SLC22A24: variants seen among roughly 807,000 people sequenced by gnomAD.
SLC22A24 encodes the protein steroid transmembrane transporter SLC22A24.
Under a neutral mutation model 49.8 loss-of-function variants are expected in SLC22A24, and 53 were observed. That is an observed-to-expected ratio of 1.06 (90% CI 0.85 to 1.34). The LOEUF is 1.34. Among genes scored for constraint, SLC22A24 ranks in the 40% most tolerant of loss-of-function variants. The pLI is 0.00. For synonymous variants in SLC22A24, 302 were observed against 256.4 expected (o/e 1.18, Z -1.70); for missense variants, 786 against 675.9 (o/e 1.16, Z -1.81).
chr11:63,106,253 G>A (rs2087121173), intron 4 of SLC22A24, among the ~76,000 whole-genome samples: 1 of 152,006 alleles, frequency 6.6e-6, no homozygotes, highest in African/African-American at 2.4e-5. Context: ...CCATACAAAG[G>A]ACATGAACTC....
At chr11:63,139,022 A>G (rs1010361214) in intron 1 of SLC22A24, among the ~76,000 whole-genome samples, 1 of 152,200 alleles carries the variant, frequency 6.6e-6, no homozygotes, top group Non-Finnish European at 1.5e-5. Flanking sequence ...ATCTGAAAGG[A>G]TTTTTTAAAA....
intron 2 of SLC22A24, among the ~76,000 whole-genome samples, chr11:63,132,542 T>C (rs1045834996): frequency 1.3e-5 from 2 of 152,196 alleles, no homozygotes; most frequent in Non-Finnish European, 2.9e-5. Flanking sequence ...GTCAGGTCCT[T>C]CAGCTGCAGG....
rs146261316 is a variant in SLC22A24 at position 63,099,890 on chromosome 11, A to G, written c.955-3784T>C. ...AAATTCAACTTCCCTTCATGATAAA[A>G]ACTCAAAAAAATCTCAGTATAGAAG... On this transcript the variant is annotated intron_variant, in intron 5 of 9. Transcript: ENST00000612278. Among the ~76,000 whole-genome samples, 10 of 152,292 alleles carry G rather than the reference A, an allele frequency of 6.6e-5. No homozygotes were observed. In the East Asian group the frequency reaches 1.9e-3, roughly 29 times the overall value.
intron 2 of SLC22A24, among the ~76,000 whole-genome samples, chr11:63,119,709 C>G (rs1197595560): frequency 6.6e-6 from 1 of 152,066 alleles, no homozygotes; most frequent in Non-Finnish European, 1.5e-5. Context: ...GAGGGAAATC[C>G]AGAGATCTGT....
intron 4 of SLC22A24, among the ~76,000 whole-genome samples, chr11:63,105,204 GC>G (rs1233689026): frequency 6.6e-6 from 1 of 152,226 alleles, no homozygotes; most frequent in Admixed American, 6.5e-5. Flanking sequence ...TCTACTGGAT[GC>G]TTTTGCAGTC....
intron 8 of SLC22A24, 98 bp from the exon 9 acceptor site, chr11:63,081,221 T>C (rs2086958205): frequency 9.8e-7 from 1 of 1,021,844 alleles, no homozygotes; most frequent in Admixed American, 2.4e-5. Context: ...TACAACAGAG[T>C]TACTAAACAC....
intron 2 of SLC22A24, among the ~76,000 whole-genome samples, chr11:63,130,602 C>T (rs2087327159): frequency 6.6e-6 from 1 of 152,132 alleles, no homozygotes; most frequent in African/African-American, 2.4e-5. Flanking sequence ...TCTGTCTGGT[C>T]CTGGACTTTT....
intron 2 of SLC22A24, among the ~76,000 whole-genome samples, chr11:63,126,675 G>T (rs1348384948): frequency 1.3e-5 from 2 of 152,140 alleles, no homozygotes; most frequent in Non-Finnish European, 1.5e-5. Context: ...GTTTAAAGCA[G>T]TTTTTTCCAA....
At chr11:63,108,471 C>G (rs886350039) in intron 4 of SLC22A24, among the ~76,000 whole-genome samples, 2 of 152,148 alleles carry the variant, frequency 1.3e-5, no homozygotes, top group African/African-American at 2.4e-5. Flanking sequence ...AGGATTCCCT[C>G]TCTTTCTGTT....
At chr11:63,113,227 T>TATATATAC (rs2087187316) in intron 4 of SLC22A24, among the ~76,000 whole-genome samples, 4 of 75,556 alleles carry the variant, frequency 5.3e-5, no homozygotes, top group African/African-American at 2.2e-4. Flanking sequence ...TATATATATA[T>TATATATAC]ACATATATAT....
At chr11:63,088,536 C>T (rs2087000923) in intron 6 of SLC22A24, among the ~76,000 whole-genome samples, 1 of 152,002 alleles carries the variant, frequency 6.6e-6, no homozygotes, top group Admixed American at 6.6e-5. Flanking sequence ...TCCAATGATC[C>T]CAACTCCTCT....
chr11:63,086,868 C>T (rs1306058894), intron 6 of SLC22A24, among the ~76,000 whole-genome samples: 2 of 151,918 alleles, frequency 1.3e-5, no homozygotes, highest in Non-Finnish European at 2.9e-5. Flanking sequence ...ATAGTGTATA[C>T]CTTAAACATA....
At position 63,085,604 on chromosome 11, in the gene SLC22A24, A is replaced by C. The variant is rs567056861; in HGVS notation, c.1071-2147T>G. Among the ~76,000 whole-genome samples, 838 of 152,354 alleles carry C rather than the reference A, an allele frequency of 5.5e-3. 5 individuals carry two copies. The highest frequency in any genetic ancestry group is 0.014 in the Middle Eastern group (4 of 294). On this transcript the variant is annotated intron_variant, in intron 6 of 9. Coordinates refer to ENST00000612278, the MANE Select transcript of SLC22A24 (RefSeq NM_001136506.2). ...ATTTATGGAGAGGAAAAGAAAATAC[A>C]AACAGATGAACAAATAAAGAAATAA...
At chr11:63,092,219 A>C (rs1369115556) in intron 6 of SLC22A24, among the ~76,000 whole-genome samples, 1 of 151,972 alleles carries the variant, frequency 6.6e-6, no homozygotes, top group African/African-American at 2.4e-5. Flanking sequence ...TTCTTCAAGA[A>C]GAACTACATA....
At chr11:63,087,997 T>C (rs2086997724) in intron 6 of SLC22A24, among the ~76,000 whole-genome samples, 2 of 152,160 alleles carry the variant, frequency 1.3e-5, no homozygotes, top group East Asian at 1.9e-4. Context: ...GCAAATTTAG[T>C]CATTCCTGCC....
At chr11:63,097,690 A>T (rs1400463828) in intron 5 of SLC22A24, among the ~76,000 whole-genome samples, 1 of 152,202 alleles carries the variant, frequency 6.6e-6, no homozygotes, top group African/African-American at 2.4e-5. Context: ...TAGACTGGAT[A>T]AAGAAAACGG....
chr11:63,112,251 A>T (rs962922939), intron 4 of SLC22A24, among the ~76,000 whole-genome samples: 2 of 152,228 alleles, frequency 1.3e-5, no homozygotes, highest in Non-Finnish European at 2.9e-5. Context: ...ACATTTGCTG[A>T]GGAGAGCTTT....
At chr11:63,092,030 A>G (rs2087023561) in intron 6 of SLC22A24, among the ~76,000 whole-genome samples, 1 of 152,198 alleles carries the variant, frequency 6.6e-6, no homozygotes, top group East Asian at 1.9e-4. Flanking sequence ...AAACTCCTTA[A>G]GCTGATAAGC....
rs2087360056 is a variant in SLC22A24, at chr11:63,134,659, A to C, written c.506+6T>G. ...ACAGCCCCAAAGAAAGTGAGATGAC[A>C]CTCACCTGTCTGAAAGATGGCCATA... On this transcript the variant is annotated splice_donor_region_variant and intron_variant, in intron 2 of 9. Coordinates refer to ENST00000612278, the MANE Select transcript of SLC22A24 (RefSeq NM_001136506.2). 6.8e-7 allele frequency: 1 copy of C among 1,475,786 alleles called. No individual in the cohort carries two copies. The highest frequency in any genetic ancestry group is 1.4e-5 in the African/African-American group (1 of 71,668). The allele number at this position is 1,475,786 out of a possible 1,614,324, so 91.4% of individuals were successfully genotyped here.
Sources: allele counts gnomAD v4.1 joint callset (sites outside exome capture counted in the v4.1 genomes callset), GRCh38; gene constraint gnomAD v4.1.1; transcripts MANE v1.5; gene names NCBI Gene and HGNC (gene_info 2026-07-23, HGNC 2026-07-21).